The following OTOGL variants were observed in gnomAD, a reference collection of about 807,000 sequenced individuals.
OTOGL encodes the protein otogelin like.
A neutral mutation model predicts 318.5 loss-of-function variants in OTOGL; 285 were observed. That is an observed-to-expected ratio of 0.89 (90% CI 0.81 to 0.99). The LOEUF (loss-of-function observed/expected upper bound fraction) is 0.99, where lower values mean the gene tolerates loss of function less well. Ranked by LOEUF, OTOGL falls within the 50% of genes least tolerant of loss-of-function variation. The probability of loss-of-function intolerance (pLI) is 0.00; values close to 1 mark genes in which losing one functional copy is unlikely to be tolerated. For synonymous variants in OTOGL, 987 were observed against 936.5 expected (o/e 1.05, Z -0.99); for missense variants, 2,899 against 2,845.6 (o/e 1.02, Z -0.43).
intron 52 of OTOGL, among the ~76,000 whole-genome samples, chr12:80,362,949 G>T (rs1890322745): frequency 6.6e-6 from 1 of 152,104 alleles, no homozygotes; most frequent in Non-Finnish European, 1.5e-5. Flanking sequence ...TATTTGGGGA[G>T]GGTTTTATTT....
intron 46 of OTOGL, among the ~76,000 whole-genome samples, chr12:80,355,385 G>A (rs768198845): frequency 1.3e-5 from 2 of 151,136 alleles, no homozygotes; most frequent in African/African-American, 2.4e-5. Flanking sequence ...ACTACACTTC[G>A]CTAATTATTT....
intron 32 of OTOGL, among the ~76,000 whole-genome samples, chr12:80,318,195 C>A (rs1223143472): frequency 6.6e-6 from 1 of 151,976 alleles, no homozygotes; most frequent in African/African-American, 2.4e-5. Flanking sequence ...CCCTTATATT[C>A]TTTGAATCTT....
rs1435458212 is a variant in OTOGL at position 80,313,617 on chromosome 12, TC to T, written c.3593del (p.Ser1198TyrfsTer37). 1 of 1,611,564 alleles carries T rather than the reference TC, an allele frequency of 6.2e-7. No homozygotes were observed. The highest frequency in any genetic ancestry group is 8.5e-7 in the Non-Finnish European group (1 of 1,178,396). ...CQEGISIHWR[S>X]STVCSLDCEY... ...GGAAGGAATATCAATTCATTGGAGA[TC>T]ATCTACTGTTTGTTGTAAGTACCCT... On this transcript the variant is annotated frameshift_variant, in exon 31 of 59. Transcript: ENST00000547103. LOFTEE classifies it high-confidence loss of function.
chr12:80,341,045 T>C (rs1449103673), intron 43 of OTOGL, among the ~76,000 whole-genome samples: 2 of 151,806 alleles, frequency 1.3e-5, no homozygotes. Flanking sequence ...GGAATTAAGA[T>C]TTGATGTTTG....
In OTOGL at chr12:80,257,928, G is replaced by T. The variant is rs192234924; in HGVS notation, c.1815G>T (p.Gln605His). The T allele has an allele frequency of 1.6e-4, 249 of 1,598,186 alleles. 2 individuals are homozygous for T. The African/African-American group carries it at 2.5e-3, about 16-fold the overall frequency. The change falls in exon 18 of 59, where the codon CAG becomes CAT. Residue 605 changes from glutamine to histidine, a missense_variant. Gln to His is a conservative substitution (Grantham distance 24). Coordinates refer to ENST00000547103, the MANE Select transcript of OTOGL (RefSeq NM_001378609.3). ...FAIDGERIYI[Q>H]LTSAWKRRTL... ...TAGATGGGGAAAGAATTTATATTCA[G>T]CTTACTAGCGCATGGAAAAGAAGAA...
At chr12:80,295,365 C>G (rs956168098) in intron 26 of OTOGL, among the ~76,000 whole-genome samples, 2 of 152,004 alleles carry the variant, frequency 1.3e-5, no homozygotes, top group African/African-American at 4.8e-5. Flanking sequence ...TTAGTAGAGA[C>G]TGGGTTTTGC....
chr12:80,189,111 C>A (rs372557684), intron 1 of OTOGL, among the ~76,000 whole-genome samples: 1 of 152,064 alleles, frequency 6.6e-6, no homozygotes, highest in Non-Finnish European at 1.5e-5. Flanking sequence ...AACAGTGCAT[C>A]CTTTAAGGCT....
chr12:80,190,568 A>G (rs368971717), intron 1 of OTOGL, among the ~76,000 whole-genome samples: 65 of 152,022 alleles, frequency 4.3e-4, no homozygotes, highest in African/African-American at 1.5e-3. Flanking sequence ...CGGGTGGATC[A>G]CGAGGTCAGG....
At chr12:80,109,859 T>C (rs1214484938) in intron 1 of OTOGL, among the ~76,000 whole-genome samples, 1 of 152,160 alleles carries the variant, frequency 6.6e-6, no homozygotes, top group Non-Finnish European at 1.5e-5. Context: ...AATATAAAAT[T>C]TTTTTAAAGC....
intron 17 of OTOGL, 106 bp downstream of exon 17, chr12:80,256,566 C>G: frequency 1.4e-6 from 2 of 1,411,524 alleles, no homozygotes; most frequent in Non-Finnish European, 1.9e-6. Context: ...GTTAGGCTGA[C>G]TACCTAGCAT....
chr12:80,348,957 A>G (rs1238643271), intron 44 of OTOGL, among the ~76,000 whole-genome samples: 1 of 152,088 alleles, frequency 6.6e-6, no homozygotes, highest in Non-Finnish European at 1.5e-5. Context: ...GGTCTGTTTT[A>G]TTTGTCTTTA....
chr12:80,242,733 GA>G (rs1476883043), intron 11 of OTOGL, among the ~76,000 whole-genome samples: 2 of 152,058 alleles, frequency 1.3e-5, no homozygotes, highest in African/African-American at 4.8e-5. Context: ...ATTTAGACAT[GA>G]TCTCTGTCCT....
intron 7 of OTOGL, among the ~76,000 whole-genome samples, chr12:80,224,946 G>A (rs922880872): frequency 3.9e-5 from 6 of 152,084 alleles, no homozygotes; most frequent in Admixed American, 6.6e-5. Flanking sequence ...GGATGCATAT[G>A]TCTTTCTCCA....
intron 53 of OTOGL, 130 bp downstream of exon 53, chr12:80,366,767 T>G (rs1890568535): frequency 3.7e-6 from 1 of 269,180 alleles, no homozygotes; most frequent in Non-Finnish European, 6.7e-6. Context: ...TATTTGAGTA[T>G]AAAAATGTGT....
chr12:80,357,954 T>C (rs1890011490), intron 49 of OTOGL, among the ~76,000 whole-genome samples: 1 of 152,146 alleles, frequency 6.6e-6, no homozygotes, highest in Non-Finnish European at 1.5e-5. Context: ...AACATAAATA[T>C]AATAAATAAA....
chr12:80,153,548 A>G (rs1412700509), intron 1 of OTOGL, among the ~76,000 whole-genome samples: 1 of 152,192 alleles, frequency 6.6e-6, no homozygotes, highest in Non-Finnish European at 1.5e-5. Context: ...CTACATTGAC[A>G]CATCATAATC....
intron 1 of OTOGL, among the ~76,000 whole-genome samples, chr12:80,175,994 T>A (rs1874499702): frequency 6.6e-6 from 1 of 152,212 alleles, no homozygotes. Flanking sequence ...TAAAATCTAA[T>A]CACTAACTAC....
At chr12:80,233,543 A>G (rs939576447) in intron 9 of OTOGL, among the ~76,000 whole-genome samples, 1 of 152,250 alleles carries the variant, frequency 6.6e-6, no homozygotes, top group African/African-American at 2.4e-5. Flanking sequence ...TAATTGACAA[A>G]TAATAGTTTT....
Position 80,372,068 on chromosome 12 carries a change from A to C in OTOGL, c.6781+4A>C, listed in dbSNP as rs767292587. 11 of 1,542,428 alleles carry C rather than the reference A, an allele frequency of 7.1e-6. No homozygotes were observed. The South Asian group carries it at 1.1e-4, about 16-fold the overall frequency. ...AATGAAGGCTGTTGCAAGATCTGTAAGTGAGAGCATATTCCATGCATTTAC... is the reference window on the plus strand; with the variant it reads ...AATGAAGGCTGTTGCAAGATCTGTACGTGAGAGCATATTCCATGCATTTAC... On this transcript the variant is annotated splice_donor_region_variant and intron_variant, in intron 57 of 58. Coordinates refer to ENST00000547103, the MANE Select transcript of OTOGL (RefSeq NM_001378609.3).
Sources: allele counts gnomAD v4.1 joint callset (sites outside exome capture counted in the v4.1 genomes callset), GRCh38; gene constraint gnomAD v4.1.1; transcripts MANE v1.5; gene names NCBI Gene and HGNC (gene_info 2026-07-23, HGNC 2026-07-21).